AEBP2: variants seen among roughly 807,000 people sequenced by gnomAD.
The protein encoded by AEBP2 is zinc finger protein AEBP2.
AEBP2 carries 10 observed loss-of-function variants against 50.8 expected under a neutral mutation model. The ratio of observed to expected loss-of-function variants is 0.20; its 90% CI spans 0.12 to 0.33. AEBP2 has a LOEUF of 0.33. Ranked by LOEUF, AEBP2 falls within the 10% of genes least tolerant of loss-of-function variation. AEBP2 has a pLI of 1.00. For synonymous variants in AEBP2, 296 were observed against 261.3 expected, an observed-to-expected ratio of 1.13 and a Z score of -1.28; for missense variants, 570 against 688.0, an observed-to-expected ratio of 0.83 and a Z score of 1.92.
At chr12:19,414,908 A>G (rs1272949496) in intron 1 of AEBP2, among the ~76,000 whole-genome samples, 4 of 146,938 alleles carry the variant, frequency 2.7e-5, no homozygotes, top group Non-Finnish European at 6.0e-5. Flanking sequence ...GGGCAACAGA[A>G]TAAGATTCTA....
chr12:19,518,017 A>G, intron 7 of AEBP2, 70 bp from the exon 8 acceptor site: 4 of 1,368,726 alleles, frequency 2.9e-6, no homozygotes, highest in East Asian at 2.5e-5. Context: ...TAATATTTTT[A>G]ATGTCTCTTG....
At position 19,413,395 on chromosome 12, in the gene AEBP2, A is replaced by G; in HGVS notation, c.-17+9179A>G. 1.4e-5 allele frequency: 15 copies of G among 1,047,300 alleles called. No homozygotes were observed. The South Asian group carries it at 1.9e-4, about 13-fold the overall frequency. The allele number at this position is 1,047,300 out of a possible 1,614,324, so 64.9% of individuals were successfully genotyped here. A position where few individuals can be genotyped will look rare whatever the true frequency, so the allele number is the denominator to read the frequency against. On this transcript the variant is annotated intron_variant, in intron 1 of 3. Transcript: ENST00000538425. Reference sequence around the variant, plus strand: ...TTAAAAAGTAAGCCAACAAACAGAAAAGACAACAACAGTGAAATTCAACAG... The same window carrying G: ...TTAAAAAGTAAGCCAACAAACAGAAGAGACAACAACAGTGAAATTCAACAG...
intron 1 of AEBP2, among the ~76,000 whole-genome samples, chr12:19,446,487 T>G (rs552299695): frequency 6.6e-6 from 1 of 152,104 alleles, no homozygotes; most frequent in African/African-American, 2.4e-5. Context: ...CCCAGCACTT[T>G]TGGAGGCTGA....
Position 19,500,128 on chromosome 12 carries a change from A to G in AEBP2, c.1206A>G (p.Thr402=), listed in dbSNP as rs78073127. The change falls in exon 5 of 8, where the codon ACA becomes ACG. Residue 402 remains threonine, a synonymous_variant. Coordinates refer to ENST00000266508, the MANE Select transcript of AEBP2 (RefSeq NM_153207.5). ...PRPHDFFDAQ[T]LDAIRHRAIC... The stretch of plus-strand genomic sequence containing the variant: ...CACATGATTTCTTCGATGCACAAAC[A>G]CTGGATGCGATAAGACATCGAGCCA... The G allele has an allele frequency of 0.022, 36,002 of 1,606,766 alleles. 487 individuals carry two copies. Among genetic ancestry groups the G allele is most frequent in the South Asian group, 0.029 (2,572 of 89,316 alleles).
intron 1 of AEBP2, among the ~76,000 whole-genome samples, chr12:19,414,783 TGTG>T (rs748476222): frequency 5.3e-5 from 8 of 152,042 alleles, no homozygotes; most frequent in Non-Finnish European, 1.0e-4. Flanking sequence ...ATTAGCCAGA[TGTG>T]GTGGTGGGCA....
At chr12:19,459,759 A>G (rs1948339460) in intron 1 of AEBP2, among the ~76,000 whole-genome samples, 4 of 152,196 alleles carry the variant, frequency 2.6e-5, no homozygotes, top group Admixed American at 2.6e-4. Flanking sequence ...TATTTATTGC[A>G]TTTAACTAAC....
chr12:19,440,714 C>G (rs530283100), intron 1 of AEBP2: 4 of 1,533,394 alleles, frequency 2.6e-6, no homozygotes, highest in African/African-American at 1.4e-5. Context: ...GATGTACACA[C>G]GTCGGTACTC....
chr12:19,497,029 C>G (rs1170682080), intron 4 of AEBP2, among the ~76,000 whole-genome samples: 1 of 150,818 alleles, frequency 6.6e-6, no homozygotes, highest in Non-Finnish European at 1.5e-5. Flanking sequence ...TTTTAAAAAT[C>G]TTTAAAATAT....
At chr12:19,437,256 G>A (rs909541947), upstream of AEBP2, among the ~76,000 whole-genome samples, 7 of 152,138 alleles carry the variant, frequency 4.6e-5, no homozygotes, top group African/African-American at 1.7e-4. Flanking sequence ...CCACTCTGTT[G>A]AATCTAGGCA....
intron 1 of AEBP2, among the ~76,000 whole-genome samples, chr12:19,409,591 C>T (rs946439868): frequency 3.9e-5 from 6 of 152,098 alleles, no homozygotes; most frequent in African/African-American, 7.2e-5. Flanking sequence ...GTTCACCAGC[C>T]GTGGGGGGAA....
chr12:19,485,596 C>A (rs1232335577), intron 3 of AEBP2, among the ~76,000 whole-genome samples: 1 of 151,418 alleles, frequency 6.6e-6, no homozygotes, highest in Non-Finnish European at 1.5e-5. Context: ...GTAGACCCAC[C>A]TACTCAGGAA....
At chr12:19,408,614 A>C (rs1452222659) in intron 1 of AEBP2, among the ~76,000 whole-genome samples, 1 of 151,574 alleles carries the variant, frequency 6.6e-6, no homozygotes. Flanking sequence ...TATTTCAAAA[A>C]TGCAAGGCCG....
intron 1 of AEBP2, among the ~76,000 whole-genome samples, chr12:19,405,604 G>A (rs1001131910): frequency 6.6e-6 from 1 of 152,102 alleles, no homozygotes; most frequent in Non-Finnish European, 1.5e-5. Flanking sequence ...GATTACAGGC[G>A]TGATCCACTG....
At chr12:19,425,761 G>A (rs996709901) in intron 1 of AEBP2, among the ~76,000 whole-genome samples, 1 of 137,104 alleles carries the variant, frequency 7.3e-6, no homozygotes, top group African/African-American at 2.8e-5. Flanking sequence ...GAGACAGAGT[G>A]AGACTCCATC....
upstream of AEBP2, among the ~76,000 whole-genome samples, chr12:19,438,035 CT>C (rs1191837417): frequency 1.3e-5 from 2 of 152,216 alleles, no homozygotes; most frequent in African/African-American, 4.8e-5. Context: ...AGTCTCCTTT[CT>C]TCCAATGACC....
intron 5 of AEBP2, among the ~76,000 whole-genome samples, chr12:19,504,462 G>A (rs757757638): frequency 2.0e-5 from 3 of 151,496 alleles, no homozygotes; most frequent in Admixed American, 6.6e-5. Context: ...GGATGCTCTC[G>A]ATCTCCTGAC....
At chr12:19,479,731 T>G (rs1413706263) in intron 3 of AEBP2, among the ~76,000 whole-genome samples, 4 of 137,624 alleles carry the variant, frequency 2.9e-5, no homozygotes, top group African/African-American at 1.1e-4. Flanking sequence ...TTTTTTTTTT[T>G]TTTTTTTTTT....
At chr12:19,433,561 C>T (rs2153365344) in intron 1 of AEBP2, among the ~76,000 whole-genome samples, 1 of 150,988 alleles carries the variant, frequency 6.6e-6, no homozygotes, top group African/African-American at 2.4e-5. Context: ...AGGTGGATCA[C>T]ATTAGGTCAG....
At chr12:19,487,012 T>G (rs1210051174) in intron 3 of AEBP2, among the ~76,000 whole-genome samples, 1 of 152,138 alleles carries the variant, frequency 6.6e-6, no homozygotes, top group African/African-American at 2.4e-5. Context: ...AATTTTTGTT[T>G]CAGCAATTTG....
Sources: allele counts gnomAD v4.1 joint callset (sites outside exome capture counted in the v4.1 genomes callset), GRCh38; gene constraint gnomAD v4.1.1; transcripts MANE v1.5; gene names NCBI Gene and HGNC (gene_info 2026-07-23, HGNC 2026-07-21).